The following TMC7 variants were observed in gnomAD, a reference collection of about 807,000 sequenced individuals.
TMC7 encodes the protein transmembrane channel-like protein 7.
In TMC7, 54 loss-of-function variants were observed where a neutral mutation model predicts 82.9. The ratio of observed to expected loss-of-function variants is 0.65; its 90% CI spans 0.52 to 0.82. TMC7 has a LOEUF of 0.82. TMC7 is among the 40% of genes least tolerant of loss of function. The probability of loss-of-function intolerance (pLI) is 0.00; values close to 1 mark genes in which losing one functional copy is unlikely to be tolerated. For missense variants in TMC7, 820 were observed against 901.2 expected (o/e 0.91, Z 1.15); for synonymous variants, 350 against 337.9 (o/e 1.04, Z -0.39).
At chr16:19,030,961 T>A (rs1960489430) in intron 6 of TMC7, among the ~76,000 whole-genome samples, 1 of 152,124 alleles carries the variant, frequency 6.6e-6, no homozygotes, top group Non-Finnish European at 1.5e-5. Flanking sequence ...GTGTGTATAT[T>A]AACTAGGTCT....
At chr16:18,990,770 TG>T (rs2038937231) in intron 1 of TMC7, among the ~76,000 whole-genome samples, 2 of 152,006 alleles carry the variant, frequency 1.3e-5, no homozygotes, top group Middle Eastern at 3.4e-3. Flanking sequence ...TTCTTAAGGG[TG>T]GGGGAGATTA....
At position 19,037,973 on chromosome 16, in the gene TMC7, G is replaced by T; in HGVS notation, c.1105G>T (p.Val369Phe). The T allele has an allele frequency of 6.2e-7, 1 of 1,614,084 alleles. No individual in the cohort carries two copies. The highest frequency in any genetic ancestry group is 8.5e-7 in the Non-Finnish European group (1 of 1,180,012). ...YSLRLFLNCI[V>F]LAVLGACFYA... is the part of the protein sequence containing the mutation. ...TTTGAGACTGTTTTTGAACTGTATT[G>T]TTCTGGCTGTTTTAGGGGCATGCTT... Residue 369 changes from valine to phenylalanine, a missense_variant, in exon 8 of 16, where the codon GTT becomes TTT. This residue lies in a region of TMC7 where 650 missense variants were observed against 669.9 expected (regional missense o/e 0.97). Coordinates refer to ENST00000304381, the MANE Select transcript of TMC7 (RefSeq NM_024847.4).
rs200026312 is a variant in TMC7, at chr16:19,009,198, T to C, written c.94T>C (p.Phe32Leu). The C allele has an allele frequency of 2.1e-5, 34 of 1,614,198 alleles. No homozygotes were observed. The highest frequency in any genetic ancestry group is 3.3e-4 in the Middle Eastern group (2 of 6,062). Reference sequence around the variant, plus strand: ...GAACCTCTCTCTAGACTCCAGTTGCTTCTCTTCTCCACCTGTGAACTTCCT... The same window carrying C: ...GAACCTCTCTCTAGACTCCAGTTGCCTCTCTTCTCCACCTGTGAACTTCCT... ...PENLSLDSSCFSSPPVNFLQE... is the reference protein window; with the variant it reads ...PENLSLDSSCLSSPPVNFLQE... Residue 32 changes from phenylalanine (F) to leucine (L), a missense_variant, in exon 2 of 16, where the codon TTC (phenylalanine) becomes CTC (leucine). Physicochemically the swap from Phe to Leu is conservative, Grantham distance 22 (BLOSUM62 0). Transcript: ENST00000304381.
intron 1 of TMC7, among the ~76,000 whole-genome samples, chr16:18,990,184 A>G (rs990937681): frequency 9.9e-5 from 15 of 152,102 alleles, no homozygotes; most frequent in Admixed American, 2.0e-4. Context: ...TACAAAGTAC[A>G]TTGATCAGTT....
intron 2 of TMC7, among the ~76,000 whole-genome samples, chr16:19,009,805 G>A (rs1346810320): frequency 6.6e-6 from 1 of 151,670 alleles, no homozygotes; most frequent in East Asian, 2.0e-4. Flanking sequence ...GCTGGGCATG[G>A]TGGCGGGTGC....
intron 13 of TMC7, among the ~76,000 whole-genome samples, chr16:19,056,038 T>TA (rs1961752607): frequency 6.6e-6 from 1 of 152,218 alleles, no homozygotes; most frequent in African/African-American, 2.4e-5. Context: ...AACTGGAAGT[T>TA]AGGTCTAGAG....
At chr16:19,055,546 C>T (rs1409364645) in intron 13 of TMC7, among the ~76,000 whole-genome samples, 5 of 152,138 alleles carry the variant, frequency 3.3e-5, no homozygotes, top group Middle Eastern at 3.2e-3. Context: ...TTAGTAGAGA[C>T]GTGGTTTCAC....
At chr16:19,035,628 T>G (rs80044652) in intron 6 of TMC7, 48 bp from the exon 7 acceptor site, 17,674 of 1,612,696 alleles carry the variant, frequency 0.011, 290 homozygotes, top group African/African-American at 0.071. Context: ...CAGGGGACTC[T>G]CTTTTGCTGT....
At chr16:19,026,438 C>T (rs974925281) in intron 5 of TMC7, among the ~76,000 whole-genome samples, 5 of 150,792 alleles carry the variant, frequency 3.3e-5, no homozygotes, top group African/African-American at 4.9e-5. Context: ...GATCATGCCA[C>T]TGCACTCCAG....
chr16:19,031,751 G>C (rs1960525956), intron 6 of TMC7, among the ~76,000 whole-genome samples: 1 of 152,178 alleles, frequency 6.6e-6, no homozygotes, highest in South Asian at 2.1e-4. Flanking sequence ...GCACAGGTTA[G>C]TGTGGTAGAA....
At chr16:19,010,999 C>T (rs767977677) in intron 2 of TMC7, among the ~76,000 whole-genome samples, 3 of 152,254 alleles carry the variant, frequency 2.0e-5, no homozygotes, top group Non-Finnish European at 2.9e-5. Flanking sequence ...CAGATTCAAT[C>T]GGTGGGAAAA....
chr16:18,995,336 C>A (rs12444249), intron 1 of TMC7, among the ~76,000 whole-genome samples: 70,313 of 151,532 alleles, frequency 0.46, 18,843 homozygotes, highest in East Asian at 0.76. Context: ...TAAGAGTTAC[C>A]CAAAGCGTCC....
Position 19,044,993 on chromosome 16 carries a change from C to T in TMC7, c.1447C>T (p.Leu483Phe). ...TCDLCGYNQK[L>F]YPCWETQVGQ... ...TGACCTTTGCGGCTACAACCAGAAA[C>T]TCTACCCGGTGAGTTGCGGGGCGGG... The change falls in exon 10 of 16, where the codon CTC becomes TTC. Residue 483 changes from leucine to phenylalanine, a missense_variant. This residue lies in a region of TMC7 where 650 missense variants were observed against 669.9 expected (regional missense o/e 0.97). Transcript: ENST00000304381. 6.2e-7 allele frequency: 1 copy of T among 1,613,666 alleles called. No homozygotes were observed. The highest frequency in any genetic ancestry group is 1.3e-5 in the African/African-American group (1 of 75,020).
intron 12 of TMC7, 95 bp from the exon 13 acceptor site, chr16:19,051,591 A>G (rs1202170106): frequency 2.1e-6 from 3 of 1,448,578 alleles, no homozygotes; most frequent in East Asian, 4.6e-5. Context: ...GGTTAGAGTG[A>G]TTAACATTCC....
At chr16:19,037,486 T>TTC (rs1960808591) in intron 7 of TMC7, among the ~76,000 whole-genome samples, 1 of 150,424 alleles carries the variant, frequency 6.6e-6, no homozygotes, top group Non-Finnish European at 1.5e-5. Context: ...TTTTTTTTTT[T>TTC]CTGAGATAGC....
chr16:19,012,261 T>A (rs1022844628), intron 2 of TMC7: 3 of 152,112 alleles, frequency 2.0e-5, no homozygotes, highest in Non-Finnish European at 4.4e-5. Context: ...GTTCCATATA[T>A]AAATTTATTT....
chr16:19,059,696 G>A, intron 15 of TMC7: 1 of 1,530,920 alleles, frequency 6.5e-7, no homozygotes. Context: ...GTGTATTAAG[G>A]GGGATGTGGT....
intron 12 of TMC7, among the ~76,000 whole-genome samples, chr16:19,049,270 T>C (rs1446509676): frequency 6.6e-6 from 1 of 152,022 alleles, no homozygotes; most frequent in African/African-American, 2.4e-5. Context: ...GTGATCTGCC[T>C]GCCTTGGCCT....
intron 1 of TMC7, among the ~76,000 whole-genome samples, chr16:19,003,013 C>A (rs1413824233): frequency 6.6e-6 from 1 of 152,192 alleles, no homozygotes; most frequent in Non-Finnish European, 1.5e-5. Context: ...AGTCACCATG[C>A]CTGGGCCTCA....
Sources: allele counts gnomAD v4.1 joint callset (sites outside exome capture counted in the v4.1 genomes callset), GRCh38; gene constraint gnomAD v4.1.1; regional missense constraint gnomAD v4.1.1; transcripts MANE v1.5; gene names NCBI Gene and HGNC (gene_info 2026-07-23, HGNC 2026-07-21).